DGKD: variants seen among roughly 807,000 people sequenced by gnomAD.
DGKD encodes the protein diacylglycerol kinase delta.
A neutral mutation model predicts 154.4 loss-of-function variants in DGKD; 68 were observed. That is an observed-to-expected ratio of 0.44 (90% confidence interval 0.36 to 0.54). The LOEUF (loss-of-function observed/expected upper bound fraction) is 0.54. Ranked by LOEUF, DGKD falls within the 20% of genes least tolerant of loss-of-function variation. The probability of loss-of-function intolerance (pLI) is 0.00; values close to 1 mark genes in which losing one functional copy is unlikely to be tolerated. For missense variants in DGKD, 1,343 were observed against 1,593.6 expected (o/e 0.84, Z 2.68); for synonymous variants, 693 against 638.0 (o/e 1.09, Z -1.30).
At chr2:233,390,350 T>G in intron 2 of DGKD, 53 bp from the exon 3 acceptor site, 1 of 1,459,914 alleles carries the variant, frequency 6.8e-7, no homozygotes, top group Non-Finnish European at 9.6e-7. Flanking sequence ...GGCTAGTGCT[T>G]AGGGATGTAC....
intron 3 of DGKD, among the ~76,000 whole-genome samples, chr2:233,426,556 A>G (rs2062307822): frequency 6.6e-6 from 1 of 152,218 alleles, no homozygotes; most frequent in South Asian, 2.1e-4. Flanking sequence ...TGCATAAGGA[A>G]ATTACACAGA....
chr2:233,384,269 C>T (rs1265763370), intron 1 of DGKD, among the ~76,000 whole-genome samples: 1 of 152,190 alleles, frequency 6.6e-6, no homozygotes, highest in Non-Finnish European at 1.5e-5. Flanking sequence ...CTCGCTGCTG[C>T]ATTGGACATC....
chr2:233,382,214 A>T (rs1702939859), intron 1 of DGKD, among the ~76,000 whole-genome samples: 1 of 152,228 alleles, frequency 6.6e-6, no homozygotes, highest in African/African-American at 2.4e-5. Context: ...AGCCTGGGCG[A>T]CAGAGCAAGA....
At chr2:233,454,476 GAGTT>G (rs1350183344) in intron 18 of DGKD, 3 of 492,180 alleles carry the variant, frequency 6.1e-6, no homozygotes, top group Non-Finnish European at 1.2e-5. Context: ...TGAGGATGGA[GAGTT>G]AGTTGCTGAT....
chr2:233,422,772 T>G (rs146539798), intron 3 of DGKD, among the ~76,000 whole-genome samples: 44 of 152,320 alleles, frequency 2.9e-4, no homozygotes, highest in African/African-American at 8.9e-4. Flanking sequence ...TATTTTGAGA[T>G]TCTTTGTACC....
In DGKD at chr2:233,459,707, C is replaced by A. The variant is rs147999282; in HGVS notation, c.2695-50C>A. The A allele has an allele frequency of 6.3e-7, 1 of 1,596,068 alleles. No individual in the cohort carries two copies. Among genetic ancestry groups the A allele is most frequent in the South Asian group, 1.1e-5 (1 of 88,400 alleles). Reference sequence around the variant, plus strand: ...TGGTGGTGCTGATAGCACTTTTAAACCCCTGGGGGTTTTGGCTCAGCATGA... The same window carrying A: ...TGGTGGTGCTGATAGCACTTTTAAAACCCTGGGGGTTTTGGCTCAGCATGA... On this transcript the variant is annotated intron_variant, in intron 22 of 29. Transcript: ENST00000264057. This position sits in a 1 kb window ranked among gnomAD's most constrained non-coding sequence, Gnocchi z 5.7.
intron 3 of DGKD, among the ~76,000 whole-genome samples, chr2:233,396,506 T>C (rs1446458005): frequency 6.6e-6 from 1 of 151,988 alleles, no homozygotes; most frequent in Non-Finnish European, 1.5e-5. Context: ...TCGTGGGAGA[T>C]CAGATAAGCA....
At chr2:233,424,791 AAC>A (rs1333278217) in intron 3 of DGKD, among the ~76,000 whole-genome samples, 1 of 152,210 alleles carries the variant, frequency 6.6e-6, no homozygotes, top group African/African-American at 2.4e-5. Flanking sequence ...TAACCTGGAA[AAC>A]ACGCGGTGGA....
chr2:233,402,887 G>A (rs962258203), intron 3 of DGKD, among the ~76,000 whole-genome samples: 2 of 152,174 alleles, frequency 1.3e-5, no homozygotes, highest in African/African-American at 4.8e-5. Flanking sequence ...GAGGGTGTAC[G>A]GGGTAGGTAA....
chr2:233,422,125 TG>T (rs2062138265), intron 3 of DGKD, among the ~76,000 whole-genome samples: 1 of 152,206 alleles, frequency 6.6e-6, no homozygotes, highest in African/African-American at 2.4e-5. Context: ...GGCCTTGTCT[TG>T]GCACCATCTC....
chr2:233,359,548 C>T (rs1368617665), intron 1 of DGKD, among the ~76,000 whole-genome samples: 4 of 148,478 alleles, frequency 2.7e-5, no homozygotes, highest in African/African-American at 9.9e-5. Flanking sequence ...CCATTTTTCT[C>T]CAGCTCAGGC....
At position 233,438,731 on chromosome 2, in the gene DGKD, T is replaced by TTTTA. The variant is rs148586238; in HGVS notation, c.1085+355_1085+356insATTT. On this transcript the variant is annotated intron_variant, in intron 9 of 29. Coordinates refer to ENST00000264057, the MANE Select transcript of DGKD (RefSeq NM_152879.3). The surrounding 1 kb of genome is among the most constrained non-coding windows in gnomAD (Gnocchi z 4.1). ...GGGTGTATTTTCTTTCATTTTATAA[T>TTTTA]TTTTTATTTATCTGTCTATCTATCA... is the stretch of plus-strand genomic sequence containing the variant. 1.0e-4 allele frequency among the ~76,000 whole-genome samples: 11 copies of TTTTA among 107,696 alleles called. No individual in the cohort carries two copies. The highest frequency in any genetic ancestry group is 1.7e-4 in the Non-Finnish European group (8 of 48,146). 70.7% of individuals were successfully genotyped at this position (107,696 alleles called of 152,430 possible). A position where few individuals can be genotyped will look rare whatever the true frequency, so the allele number is the denominator to read the frequency against.
intron 3 of DGKD, among the ~76,000 whole-genome samples, chr2:233,433,895 G>A (rs2062608924): frequency 6.6e-6 from 1 of 152,094 alleles, no homozygotes; most frequent in South Asian, 2.1e-4. Context: ...AAGTTGTTCA[G>A]GTCCTGCATA....
At chr2:233,375,071 C>A (rs879747423) in intron 1 of DGKD, among the ~76,000 whole-genome samples, 7 of 152,144 alleles carry the variant, frequency 4.6e-5, no homozygotes, top group Non-Finnish European at 8.8e-5. Flanking sequence ...CGGTGGATCA[C>A]CCGATGTCAG....
chr2:233,367,677 A>T (rs1350231426), intron 1 of DGKD, among the ~76,000 whole-genome samples: 1 of 152,056 alleles, frequency 6.6e-6, no homozygotes, highest in Non-Finnish European at 1.5e-5. Flanking sequence ...AGCAGTTTCA[A>T]AGACTCTCAC....
At chr2:233,451,227 A>C (rs1396534951) in intron 17 of DGKD, among the ~76,000 whole-genome samples, 177 bp downstream of exon 17, 1 of 117,266 alleles carries the variant, frequency 8.5e-6, no homozygotes, top group African/African-American at 4.1e-5. Flanking sequence ...TTTTAAAAAC[A>C]AAAAACAAAA....
intron 4 of DGKD, 84 bp from the exon 5 acceptor site, chr2:233,434,685 C>G (rs2062631705): frequency 1.3e-6 from 2 of 1,561,612 alleles, no homozygotes; most frequent in East Asian, 2.3e-5. Context: ...CTCTTGGATA[C>G]TTTGTTTAAT....
chr2:233,417,304 A>T (rs1453339009), intron 3 of DGKD, among the ~76,000 whole-genome samples: 1 of 152,190 alleles, frequency 6.6e-6, no homozygotes, highest in African/African-American at 2.4e-5. Flanking sequence ...GAGGGCTGGG[A>T]TTACAGTCAT....
In DGKD at chr2:233,469,876, G is replaced by A. The variant is rs967532260; in HGVS notation, c.*416G>A. On this transcript the variant is annotated 3_prime_UTR_variant, in exon 30 of 30. Transcript: ENST00000264057. ...TTCTGTGGCCGCACCGTGTGGCTCC[G>A]CCTCCTGGCCCCCAGCCAGTTCTCA... is the stretch of plus-strand genomic sequence containing the variant. 37 of 163,198 alleles carry A rather than the reference G, an allele frequency of 2.3e-4. No homozygotes were observed. The highest frequency in any genetic ancestry group is 1.5e-3 in the Admixed American group (24 of 15,964). 10.1% of individuals were successfully genotyped at this position (163,198 alleles called of 1,614,324 possible). A position where few individuals can be genotyped will look rare whatever the true frequency, so the allele number is the denominator to read the frequency against.
Sources: allele counts gnomAD v4.1 joint callset (sites outside exome capture counted in the v4.1 genomes callset), GRCh38; gene constraint gnomAD v4.1.1; non-coding constraint Gnocchi (gnomAD v3.1); transcripts MANE v1.5; gene names NCBI Gene and HGNC (gene_info 2026-07-23, HGNC 2026-07-21).